GBP3: variants seen among roughly 807,000 people sequenced by gnomAD.
The protein encoded by GBP3 is guanylate-binding protein 3.
GBP3 carries 55 observed loss-of-function variants against 62.4 expected under a neutral mutation model. The ratio of observed to expected loss-of-function variants is 0.88; its 90% CI spans 0.71 to 1.10. The LOEUF (loss-of-function observed/expected upper bound fraction) is 1.10, where lower values mean the gene tolerates loss of function less well. Among genes scored for constraint, GBP3 ranks in the 50% least tolerant of loss-of-function variants. The pLI is 0.00. For missense variants in GBP3, 605 were observed against 690.6 expected, an observed-to-expected ratio of 0.88 and a Z score of 1.39; for synonymous variants, 208 against 259.2, an observed-to-expected ratio of 0.80 and a Z score of 1.90.
intron 2 of GBP3, among the ~76,000 whole-genome samples, chr1:89,018,606 C>G (rs1259772433): frequency 6.6e-6 from 1 of 152,170 alleles, no homozygotes; most frequent in Non-Finnish European, 1.5e-5. Flanking sequence ...TGTTTTAAGG[C>G]TCTGTTAGAA....
At position 89,014,075 on chromosome 1, in the gene GBP3, T is replaced by C. The variant is rs3795543; in HGVS notation, c.625+8A>G. On this transcript the variant is annotated splice_region_variant and intron_variant, in intron 5 of 10. Transcript: ENST00000370481. ...CGTCCTCATTTATCAATGGTACGTC[T>C]CTGTTACCTTGCGTTAGCTTCAGGG... 0.75 allele frequency: 1,209,571 copies of C among 1,612,572 alleles called. 458,329 individuals carry two copies. The highest frequency in any genetic ancestry group is 0.78 in the Non-Finnish European group (919,049 of 1,178,762).
In GBP3 at chr1:89,010,435, T is replaced by G. The variant is rs1678493124; in HGVS notation, c.1362+469A>C. 1.5e-5 allele frequency among the ~76,000 whole-genome samples: 2 copies of G among 137,534 alleles called. 1 individual carries two copies. The highest frequency in any genetic ancestry group is 5.0e-5 in the African/African-American group (2 of 40,198). The allele number at this position is 137,534 out of a possible 152,430, so 90.2% of individuals were successfully genotyped here. A position where few individuals can be genotyped will look rare whatever the true frequency, so the allele number is the denominator to read the frequency against. ...GCGCCCGGCCTAGTTAACTAGTATT[T>G]GAAAGACAGGGTCTGGCTCTGTTGC... is the stretch of plus-strand genomic sequence containing the variant. On this transcript the variant is annotated intron_variant, in intron 8 of 10. Coordinates refer to ENST00000370481, the MANE Select transcript of GBP3 (RefSeq NM_018284.3).
chr1:89,009,172 T>A, intron 9 of GBP3, 32 bp from the exon 10 acceptor site: 2 of 1,604,056 alleles, frequency 1.2e-6, no homozygotes, highest in Non-Finnish European at 1.7e-6. Context: ...TTGTGTGGAG[T>A]TATCTTGTTG....
chr1:89,015,926 A>G (rs543415504), intron 2 of GBP3, among the ~76,000 whole-genome samples: 9 of 152,294 alleles, frequency 5.9e-5, no homozygotes, highest in Admixed American at 5.9e-4. Flanking sequence ...TCCACAAAGT[A>G]CTAGAGGTCC....
intron 2 of GBP3, among the ~76,000 whole-genome samples, chr1:89,019,392 G>A (rs1298308749): frequency 2.6e-5 from 4 of 152,230 alleles, no homozygotes; most frequent in Non-Finnish European, 5.9e-5. Flanking sequence ...AGATTCAAGT[G>A]ATTCTCCTGC....
intron 3 of GBP3, 49 bp downstream of exon 3, chr1:89,015,238 A>G (rs1678821466): frequency 6.6e-7 from 1 of 1,506,818 alleles, no homozygotes; most frequent in Admixed American, 2.2e-5. Flanking sequence ...GGTGCTTAAA[A>G]TATTCAGAGA....
chr1:89,010,760 C>A lies in GBP3; in HGVS notation c.1362+144G>T, dbSNP rs1459368263. The A allele has an allele frequency of 3.2e-4, 247 of 761,684 alleles. 40 individuals carry two copies. The South Asian group carries it at 4.5e-3, about 14-fold the overall frequency. The allele number at this position is 761,684 out of a possible 1,614,324, so 47.2% of individuals were successfully genotyped here. A position where few individuals can be genotyped will look rare whatever the true frequency, so the allele number is the denominator to read the frequency against. On this transcript the variant is annotated intron_variant, in intron 8 of 10. Transcript: ENST00000370481. ...TGGGACATACCTGATATAACAGTCT[C>A]CCTCCCTGCATATGTTATTGAATGA... is the stretch of plus-strand genomic sequence containing the variant.
chr1:89,011,595 T>C (rs1328722118), intron 7 of GBP3, 152 bp downstream of exon 7: 2 of 1,008,380 alleles, frequency 2.0e-6, no homozygotes, highest in African/African-American at 1.5e-5. Context: ...AATAAAATTG[T>C]TTTTGTCTGA....
chr1:89,009,356 C>A (rs761959766), intron 9 of GBP3, 36 bp downstream of exon 9: 1 of 1,598,070 alleles, frequency 6.3e-7, no homozygotes, highest in South Asian at 1.1e-5. Context: ...ATTTGAAAAG[C>A]TTTAGGATAA....
chr1:89,020,267 C>A (rs958254290), intron 2 of GBP3: 2 of 514,398 alleles, frequency 3.9e-6, no homozygotes, highest in South Asian at 4.0e-5. Context: ...CAAGTGCAGT[C>A]AGTAGTGAGA....
rs761151308 is a variant in GBP3 at position 89,021,544 on chromosome 1, A to ACACACACACACACCCCC, written c.-22-802_-22-801insGGGGGTGTGTGTGTGTG. ...CACACACACACACACACACACACAC[A>ACACACACACACACCCCC]CCCCAAAAAAACCAAACCAAACAAA... On this transcript the variant is annotated intron_variant, in intron 1 of 10. Coordinates refer to ENST00000370481, the MANE Select transcript of GBP3 (RefSeq NM_018284.3). 5.7e-5 allele frequency among the ~76,000 whole-genome samples: 8 copies of ACACACACACACACCCCC among 141,052 alleles called. No homozygotes were observed. The East Asian group carries it at 6.4e-4, about 11-fold the overall frequency. The allele number at this position is 141,052 out of a possible 152,430, so 92.5% of individuals were successfully genotyped here.
intron 3 of GBP3, 93 bp from the exon 4 acceptor site, chr1:89,014,749 T>G (rs1396798999): frequency 6.6e-7 from 1 of 1,507,634 alleles, no homozygotes; most frequent in Non-Finnish European, 9.0e-7. Context: ...TAAGTTAGAG[T>G]TTTCTTTTAA....
chr1:89,021,788 T>TGAGAGAGAGAGAGA lies in GBP3; in HGVS notation c.-23+882_-23+895dup, dbSNP rs146229731. Among the ~76,000 whole-genome samples the TGAGAGAGAGAGAGA allele has an allele frequency of 6.2e-3, 405 of 65,348 alleles. 32 individuals are homozygous for TGAGAGAGAGAGAGA. The highest frequency in any genetic ancestry group is 0.013 in the South Asian group (15 of 1,126). The allele number at this position is 65,348 out of a possible 152,430, so 42.9% of individuals were successfully genotyped here. On this transcript the variant is annotated intron_variant, in intron 1 of 10. Transcript: ENST00000370481. ...GGACGAGGAGAAAGGGCTGGAAAGATGAGAGAGAGAGAGAGAGAGAGAGAG... is the reference window on the plus strand; with the variant it reads ...GGACGAGGAGAAAGGGCTGGAAAGATGAGAGAGAGAGAGAGAGAGAGAGAGAGAGAGAGAGAGAG...
chr1:89,016,361 C>T (rs988524299), intron 2 of GBP3, among the ~76,000 whole-genome samples: 3 of 152,078 alleles, frequency 2.0e-5, no homozygotes, highest in Admixed American at 6.6e-5. Context: ...CACACACACA[C>T]ACACAAAATT....
rs753246449 is a variant in GBP3, at chr1:89,014,536, C to T, written c.428+11G>A. The T allele has an allele frequency of 2.5e-6, 4 of 1,614,058 alleles. No homozygotes were observed. Among genetic ancestry groups the T allele is most frequent in the Non-Finnish European group, 3.4e-6 (4 of 1,179,970 alleles). On this transcript the variant is annotated intron_variant, in intron 4 of 10. Coordinates refer to ENST00000370481, the MANE Select transcript of GBP3 (RefSeq NM_018284.3). ...CTGACCTTGGTGCTGTTCTGGGTCA[C>T]AAAAGGATACTACAGTTGGTCCATA...
At chr1:89,010,102 G>A (rs927475947) in intron 8 of GBP3, among the ~76,000 whole-genome samples, 1 of 150,826 alleles carries the variant, frequency 6.6e-6, no homozygotes, top group African/African-American at 2.5e-5. Context: ...TTAATTGACT[G>A]CACTCTCTAA....
chr1:89,022,317 G>T (rs1679287426), intron 1 of GBP3, among the ~76,000 whole-genome samples: 1 of 152,208 alleles, frequency 6.6e-6, no homozygotes, highest in Non-Finnish European at 1.5e-5. Context: ...CATAGGAGCA[G>T]GATTCAGCAA....
intron 10 of GBP3, among the ~76,000 whole-genome samples, chr1:89,008,256 G>A (rs1358589195): frequency 6.6e-6 from 1 of 151,404 alleles, no homozygotes; most frequent in Non-Finnish European, 1.5e-5. Context: ...ATCTGATTAG[G>A]TATATGAATC....
rs202058236 is a variant in GBP3 at position 89,020,716 on chromosome 1, A to C, written c.6T>G (p.Ala2=). ...TTGGGCCTGTCATGTGGATCTCTGG[A>C]GCCATGTCCAGGGCATTGTTCTCTT... M[A]PEIHMTGPMC... Residue 2 remains alanine, a synonymous_variant, in exon 2 of 11, where the codon GCT becomes GCG. Transcript: ENST00000370481. The C allele has an allele frequency of 3.1e-6, 5 of 1,613,770 alleles. No individual in the cohort carries two copies. The highest frequency in any genetic ancestry group is 4.2e-6 in the Non-Finnish European group (5 of 1,179,726).
Sources: allele counts gnomAD v4.1 joint callset (sites outside exome capture counted in the v4.1 genomes callset), GRCh38; gene constraint gnomAD v4.1.1; transcripts MANE v1.5; gene names NCBI Gene and HGNC (gene_info 2026-07-23, HGNC 2026-07-21).